The following CADM2 variants were observed in gnomAD, a reference collection of about 807,000 sequenced individuals.
CADM2 encodes immunoglobulin superfamily member 4D.
In CADM2, 12 loss-of-function variants were observed where a neutral mutation model predicts 49.8. The ratio of observed to expected loss-of-function variants is 0.24; its 90% CI spans 0.15 to 0.39. CADM2 has a LOEUF of 0.39. Ranked by LOEUF, CADM2 falls within the 10% of genes least tolerant of loss-of-function variation. The probability of loss-of-function intolerance (pLI) is 1.00; values close to 1 mark genes in which losing one functional copy is unlikely to be tolerated. For missense variants in CADM2, 378 were observed against 492.3 expected, an observed-to-expected ratio of 0.77 and a Z score of 2.20; for synonymous variants, 214 against 175.4, an observed-to-expected ratio of 1.22 and a Z score of -1.74.
At chr3:85,161,796 T>A (rs1024391559) in intron 1 of CADM2, among the ~76,000 whole-genome samples, 3 of 152,046 alleles carry the variant, frequency 2.0e-5, no homozygotes, top group Admixed American at 6.6e-5. Flanking sequence ...GGTGGGCGGA[T>A]CACTTGAGGT....
intron 1 of CADM2, among the ~76,000 whole-genome samples, chr3:84,987,417 G>C (rs901973738): frequency 6.6e-6 from 1 of 152,068 alleles, no homozygotes; most frequent in East Asian, 1.9e-4. Flanking sequence ...AAGAACTAAA[G>C]TTCAGCTCCA....
chr3:85,683,275 A>C (rs2066092313), intron 1 of CADM2, among the ~76,000 whole-genome samples: 1 of 152,108 alleles, frequency 6.6e-6, no homozygotes, highest in African/African-American at 2.4e-5. Context: ...TATTCTGTCT[A>C]AAAGCTTCAA....
At chr3:85,378,513 A>C (rs570930136) in intron 1 of CADM2, among the ~76,000 whole-genome samples, 1 of 152,134 alleles carries the variant, frequency 6.6e-6, no homozygotes, top group Admixed American at 6.6e-5. Context: ...AGTAAGCTGC[A>C]TGAGGACAAA....
intron 1 of CADM2, among the ~76,000 whole-genome samples, chr3:85,638,480 T>C (rs1391733756): frequency 6.6e-6 from 1 of 152,084 alleles, no homozygotes. Flanking sequence ...GAACAAGAGG[T>C]GTTTGCTTTC....
At chr3:85,188,349 T>G (rs758207185) in intron 1 of CADM2, among the ~76,000 whole-genome samples, 55 of 152,142 alleles carry the variant, frequency 3.6e-4, no homozygotes, top group Non-Finnish European at 5.3e-4. Context: ...TATGTTTCTA[T>G]CAAATGAGCC....
chr3:85,089,433 A>C (rs1451554074), intron 1 of CADM2, among the ~76,000 whole-genome samples: 1 of 152,148 alleles, frequency 6.6e-6, no homozygotes, highest in Non-Finnish European at 1.5e-5. Context: ...CATCCAAGTC[A>C]TTTAAATTCT....
chr3:86,063,607 T>A (rs1738950049), intron 8 of CADM2, among the ~76,000 whole-genome samples: 1 of 152,190 alleles, frequency 6.6e-6, no homozygotes, highest in South Asian at 2.1e-4. Flanking sequence ...CATTTTGCAT[T>A]CAGCAAGTTT....
intron 1 of CADM2, among the ~76,000 whole-genome samples, chr3:85,446,728 G>T (rs1270855583): frequency 6.7e-6 from 1 of 149,290 alleles, no homozygotes; most frequent in Non-Finnish European, 1.5e-5. Context: ...TCAGCCTCCT[G>T]AGTAGCTGGG....
At chr3:85,739,085 C>A (rs547510189) in intron 2 of CADM2, among the ~76,000 whole-genome samples, 45 of 152,130 alleles carry the variant, frequency 3.0e-4, no homozygotes, top group Non-Finnish European at 6.2e-4. Flanking sequence ...AAATAAACAT[C>A]ACCATTTTGC....
chr3:85,470,909 GA>G (rs1280977407), intron 1 of CADM2, among the ~76,000 whole-genome samples: 1 of 151,996 alleles, frequency 6.6e-6, no homozygotes, highest in African/African-American at 2.4e-5. Context: ...CAATTAACTG[GA>G]AAAATATATT....
chr3:85,722,628 C>T (rs946762377), intron 1 of CADM2, among the ~76,000 whole-genome samples: 8 of 152,126 alleles, frequency 5.3e-5, no homozygotes, highest in African/African-American at 1.4e-4. Flanking sequence ...CCAGTAAATC[C>T]AGTAAGCTCT....
chr3:85,488,411 C>A (rs1250367242), intron 1 of CADM2, among the ~76,000 whole-genome samples: 8 of 152,028 alleles, frequency 5.3e-5, no homozygotes, highest in Non-Finnish European at 7.4e-5. Flanking sequence ...ACATGGTAGC[C>A]GTGATGGGAA....
intron 1 of CADM2, among the ~76,000 whole-genome samples, chr3:85,388,352 C>G (rs1398633190): frequency 6.6e-6 from 1 of 152,182 alleles, no homozygotes; most frequent in Non-Finnish European, 1.5e-5. Context: ...TGGGATTCGT[C>G]ACAATAATAT....
At chr3:85,947,706 A>G (rs1722915524) in intron 7 of CADM2, among the ~76,000 whole-genome samples, 1 of 151,444 alleles carries the variant, frequency 6.6e-6, no homozygotes, top group African/African-American at 2.4e-5. Flanking sequence ...GACCGAATAT[A>G]TTTGGTTTTG....
chr3:85,166,779 G>T lies in CADM2; in HGVS notation c.61+207111G>T, dbSNP rs146079682. 3.0e-4 allele frequency among the ~76,000 whole-genome samples: 46 copies of T among 151,986 alleles called. 2 individuals carry two copies. In the East Asian group the frequency reaches 8.9e-3, roughly 29 times the overall value. ...TATATGCTTTCTCATCAATAGGGAGGTAAGAATACTGGAGAATGTCATTTT... is the reference window on the plus strand; with the variant it reads ...TATATGCTTTCTCATCAATAGGGAGTTAAGAATACTGGAGAATGTCATTTT... On this transcript the variant is annotated intron_variant, in intron 1 of 9. Coordinates refer to ENST00000383699, the MANE Select transcript of CADM2 (RefSeq NM_001167675.2).
At chr3:85,860,899 A>G (rs1184955157) in intron 3 of CADM2, among the ~76,000 whole-genome samples, 2 of 152,128 alleles carry the variant, frequency 1.3e-5, no homozygotes, top group Non-Finnish European at 1.5e-5. Flanking sequence ...AAGTACACAC[A>G]CTCTGAGGTG....
intron 1 of CADM2, among the ~76,000 whole-genome samples, chr3:85,507,479 A>G (rs147955935): frequency 2.0e-5 from 3 of 152,138 alleles, no homozygotes; most frequent in Admixed American, 1.3e-4. Context: ...GTGAGCCACC[A>G]TGCCCGGCCT....
At chr3:85,664,393 C>A (rs868384002) in intron 1 of CADM2, among the ~76,000 whole-genome samples, 2 of 151,982 alleles carry the variant, frequency 1.3e-5, no homozygotes, top group African/African-American at 4.8e-5. Flanking sequence ...CAAATGATTT[C>A]GCATTTCAAG....
chr3:85,886,632 T>C lies in CADM2; in HGVS notation c.529+305T>C, dbSNP rs375639455. Among the ~76,000 whole-genome samples the C allele has an allele frequency of 2.4e-4, 37 of 152,268 alleles. No individual in the cohort carries two copies. The East Asian group carries it at 4.6e-3, about 19-fold the overall frequency. ...AAACATATAGATTCATACTTCACAA[T>C]AGTACATATTAGATACTATTATTTC... On this transcript the variant is annotated intron_variant, in intron 5 of 9. Transcript: ENST00000383699.
Sources: allele counts gnomAD v4.1 joint callset (sites outside exome capture counted in the v4.1 genomes callset), GRCh38; gene constraint gnomAD v4.1.1; transcripts MANE v1.5; gene names NCBI Gene and HGNC (gene_info 2026-07-23, HGNC 2026-07-21).